The following AR variants were observed in gnomAD, a reference collection of about 807,000 sequenced individuals.
AR encodes the protein androgen receptor.
In AR, 8 loss-of-function variants were observed where a neutral mutation model predicts 53.9. The observed-to-expected ratio is 0.15, with a 90% CI of 0.09 to 0.27. The LOEUF is 0.27. Ranked by LOEUF, AR falls within the 10% of genes least tolerant of loss-of-function variation. The pLI is 1.00. For synonymous variants in AR, 359 were observed against 316.4 expected (o/e 1.13, Z -1.43); for missense variants, 639 against 742.5 (o/e 0.86, Z 1.62).
At chrX:67,577,925 G>C (rs757692113) in intron 1 of AR, among the ~76,000 whole-genome samples, 1 of 111,487 alleles carries the variant, frequency 9.0e-6, no homozygotes, top group Non-Finnish European at 1.9e-5. Flanking sequence ...AAGCATTTGC[G>C]TTGTTCTACT....
At chrX:67,690,074 C>T (rs1161059309) in intron 3 of AR, among the ~76,000 whole-genome samples, 2 of 111,656 alleles carry the variant, frequency 1.8e-5, no homozygotes, top group African/African-American at 6.5e-5. Context: ...CCTTCCTCTC[C>T]TGGACCATGG....
intron 3 of AR, among the ~76,000 whole-genome samples, chrX:67,698,937 G>T (rs779439881): frequency 1.8e-5 from 2 of 111,647 alleles, no homozygotes; most frequent in African/African-American, 3.3e-5. Flanking sequence ...AGTGTCCTAA[G>T]AGACAGGTAG....
At chrX:67,570,443 T>G (rs1228612230) in intron 1 of AR, among the ~76,000 whole-genome samples, 1 of 112,212 alleles carries the variant, frequency 8.9e-6, no homozygotes, top group Non-Finnish European at 1.9e-5. Flanking sequence ...TCATGTAGGA[T>G]GTCAAAAGAG....
intron 1 of AR, among the ~76,000 whole-genome samples, chrX:67,598,389 C>T (rs1176965394): frequency 9.3e-6 from 1 of 108,048 alleles, no homozygotes; most frequent in Non-Finnish European, 1.9e-5. Flanking sequence ...TTCAAGCATT[C>T]TCTGACTTCA....
intron 3 of AR, among the ~76,000 whole-genome samples, chrX:67,706,390 C>T (rs750136024): frequency 5.4e-5 from 6 of 111,672 alleles, no homozygotes; most frequent in African/African-American, 9.8e-5. Flanking sequence ...GTGTATGTGT[C>T]GAGGAATTTA....
At chrX:67,673,189 CCTTT>C (rs1196914049) in intron 2 of AR, among the ~76,000 whole-genome samples, 3 of 110,264 alleles carry the variant, frequency 2.7e-5, no homozygotes, top group Non-Finnish European at 5.7e-5. Flanking sequence ...CTTTTAGGAT[CCTTT>C]CTTTATCTTT....
chrX:67,704,498 T>G (rs1370728070), intron 3 of AR, among the ~76,000 whole-genome samples: 1 of 112,053 alleles, frequency 8.9e-6, no homozygotes, highest in African/African-American at 3.3e-5. Context: ...GGGTTGTTTG[T>G]TTTTTTCTTG....
At chrX:67,550,438 T>C (rs1929947272) in intron 1 of AR, among the ~76,000 whole-genome samples, 1 of 110,937 alleles carries the variant, frequency 9.0e-6, no homozygotes. Context: ...TCCTTATGCG[T>C]ATATGCACTG....
chrX:67,632,884 C>A (rs1308347536), intron 1 of AR, among the ~76,000 whole-genome samples: 1 of 111,931 alleles, frequency 8.9e-6, no homozygotes, highest in African/African-American at 3.2e-5. Flanking sequence ...ATAGAAATTT[C>A]TTGATAGAAG....
rs1233324601 is a variant in AR at position 67,626,436 on chromosome X, C to CTTTTTTT, written c.1617-16802_1617-16796dup. Among the ~76,000 whole-genome samples the CTTTTTTT allele has an allele frequency of 1.1e-3, 53 of 46,805 alleles. 1 individual carries two copies. Among genetic ancestry groups the CTTTTTTT allele is most frequent in the East Asian group, 1.8e-3 (2 of 1,130 alleles). The allele number at this position is 46,805 out of a possible 115,157, so 40.6% of individuals were successfully genotyped here. On this transcript the variant is annotated intron_variant, in intron 1 of 7. Coordinates refer to ENST00000374690, the MANE Select transcript of AR (RefSeq NM_000044.6). ...TGTTGGTGCAAATGACAGGCTCTCT[C>CTTTTTTT]TTTTTTTTTTTTTTTTTTTTTTTTG... is the stretch of plus-strand genomic sequence containing the variant.
Position 67,730,570 on chromosome X carries a change from T to C in AR, c.*6729T>C, listed in dbSNP as rs1436987901. The C allele has an allele frequency of 1.8e-5, 3 of 169,587 alleles. No homozygotes were observed. The highest frequency in any genetic ancestry group is 8.0e-5 in the Admixed American group (1 of 12,537). The allele number at this position is 169,587 out of a possible 1,213,427, so 14.0% of individuals were successfully genotyped here. On this transcript the variant is annotated 3_prime_UTR_variant, in exon 8 of 8. Transcript: ENST00000374690. The stretch of plus-strand genomic sequence containing the variant: ...GACCCAAGAAAAGCTGCTAATGTCC[T>C]CTTATCATTGTTGTTAATTTGTTAA...
intron 1 of AR, among the ~76,000 whole-genome samples, chrX:67,622,454 AG>A (rs1924426199): frequency 8.9e-6 from 1 of 112,131 alleles, no homozygotes; most frequent in Admixed American, 9.5e-5. Context: ...TTGTATTGTC[AG>A]TGGGATACGC....
chrX:67,676,979 G>T (rs767916563), intron 2 of AR, among the ~76,000 whole-genome samples: 1 of 110,511 alleles, frequency 9.0e-6, no homozygotes, highest in Non-Finnish European at 1.9e-5. Flanking sequence ...GCTGCCAAGG[G>T]TAGTACTGGC....
At chrX:67,556,801 A>G (rs1921072820) in intron 1 of AR, among the ~76,000 whole-genome samples, 1 of 111,664 alleles carries the variant, frequency 9.0e-6, no homozygotes, top group Non-Finnish European at 1.9e-5. Context: ...TGCTATTTGG[A>G]CATCTGGAGT....
chrX:67,656,218 C>G (rs140343736), intron 2 of AR, among the ~76,000 whole-genome samples: 147 of 111,602 alleles, frequency 1.3e-3, no homozygotes, highest in Middle Eastern at 4.6e-3. Flanking sequence ...TTTCAACAAG[C>G]ATGTATGGTA....
intron 3 of AR, among the ~76,000 whole-genome samples, chrX:67,697,653 G>A (rs966672548): frequency 2.7e-5 from 3 of 111,335 alleles, no homozygotes; most frequent in South Asian, 7.7e-4. Flanking sequence ...ATGGTGCAGA[G>A]TACCTTCACT....
At chrX:67,646,811 A>G (rs990982462) in intron 2 of AR, among the ~76,000 whole-genome samples, 1 of 111,002 alleles carries the variant, frequency 9.0e-6, no homozygotes, top group Admixed American at 9.7e-5. Context: ...CATAATCATC[A>G]TCATTTCAGC....
chrX:67,656,613 T>C (rs1053073443), intron 2 of AR, among the ~76,000 whole-genome samples: 1 of 111,943 alleles, frequency 8.9e-6, no homozygotes, highest in Non-Finnish European at 1.9e-5. Context: ...TGCTATAAGA[T>C]AGTAGATACT....
intron 3 of AR, among the ~76,000 whole-genome samples, chrX:67,706,173 G>A (rs933428202): frequency 1.8e-5 from 2 of 111,791 alleles, no homozygotes; most frequent in African/African-American, 3.3e-5. Context: ...AATGAGTTAG[G>A]GAGGATTCCC....
Sources: allele counts gnomAD v4.1 joint callset (sites outside exome capture counted in the v4.1 genomes callset), GRCh38; gene constraint gnomAD v4.1.1; transcripts MANE v1.5; gene names NCBI Gene and HGNC (gene_info 2026-07-23, HGNC 2026-07-21).